RRAS2: variants seen among roughly 807,000 people sequenced by gnomAD.
RRAS2 encodes ras-related protein R-Ras2.
RRAS2 carries 7 observed loss-of-function variants against 27.6 expected under a neutral mutation model. The observed-to-expected ratio is 0.25, with a 90% CI of 0.14 to 0.48. The LOEUF is 0.48. Ranked by LOEUF, RRAS2 falls within the 20% of genes least tolerant of loss-of-function variation. The probability of loss-of-function intolerance (pLI) is 0.99; values close to 1 mark genes in which losing one functional copy is unlikely to be tolerated. For missense variants in RRAS2, 178 were observed against 256.2 expected, an observed-to-expected ratio of 0.69 and a Z score of 2.08; for synonymous variants, 86 against 90.9, an observed-to-expected ratio of 0.95 and a Z score of 0.31.
At chr11:14,288,921 A>T (rs1222804169) in intron 4 of RRAS2, among the ~76,000 whole-genome samples, 1 of 152,262 alleles carries the variant, frequency 6.6e-6, no homozygotes, top group Non-Finnish European at 1.5e-5. Context: ...GTCTTAACTC[A>T]CTGGCACCCA....
At chr11:14,283,357 T>C (rs1477985917) in intron 4 of RRAS2, among the ~76,000 whole-genome samples, 1 of 152,212 alleles carries the variant, frequency 6.6e-6, no homozygotes, top group East Asian at 1.9e-4. Context: ...TCATGAGAGA[T>C]ATTGGACTGT....
intron 4 of RRAS2, among the ~76,000 whole-genome samples, chr11:14,286,747 A>G (rs1243423519): frequency 1.3e-5 from 2 of 152,242 alleles, no homozygotes; most frequent in Non-Finnish European, 2.9e-5. Context: ...TAGCACTGGT[A>G]TATCTAAGTT....
chr11:14,294,725 A>G lies in RRAS2; in HGVS notation c.299+35T>C, dbSNP rs782427311. ...TCAATAAAGTCTAGTGATCTTGACAAGAACAGTGGATCTACATTCTAATAT... is the reference window on the plus strand; with the variant it reads ...TCAATAAAGTCTAGTGATCTTGACAGGAACAGTGGATCTACATTCTAATAT... On this transcript the variant is annotated intron_variant, in intron 3 of 5. Coordinates refer to ENST00000256196, the MANE Select transcript of RRAS2 (RefSeq NM_012250.6). 16 of 1,586,290 alleles carry G rather than the reference A, an allele frequency of 1.0e-5. No homozygotes were observed. In the South Asian group the frequency reaches 1.1e-4, roughly 11 times the overall value.
At chr11:14,292,980 G>A (rs980007290) in intron 4 of RRAS2, among the ~76,000 whole-genome samples, 9 of 151,170 alleles carry the variant, frequency 6.0e-5, no homozygotes, top group South Asian at 2.1e-4. Flanking sequence ...GCTGGCAGGC[G>A]CCTGTAGTCC....
intron 4 of RRAS2, 39 bp from the exon 5 acceptor site, chr11:14,281,759 C>G: frequency 6.6e-7 from 1 of 1,510,178 alleles, no homozygotes; most frequent in Admixed American, 2.0e-5. Context: ...ACATTATTAA[C>G]AACTGGATTT....
chr11:14,281,505 A>G, intron 5 of RRAS2, 97 bp downstream of exon 5: 1 of 904,460 alleles, frequency 1.1e-6, no homozygotes, highest in Non-Finnish European at 1.6e-6. Flanking sequence ...CATGTGCATT[A>G]ATCCCTAGAA....
intron 1 of RRAS2, among the ~76,000 whole-genome samples, chr11:14,308,862 A>AC (rs746276255): frequency 1.2e-3 from 185 of 152,246 alleles, no homozygotes; most frequent in Non-Finnish European, 1.2e-3. Context: ...AGACCTACAT[A>AC]CCCCGCTTAA....
intron 1 of RRAS2, among the ~76,000 whole-genome samples, chr11:14,307,328 T>C (rs961945612): frequency 6.6e-6 from 1 of 151,784 alleles, no homozygotes; most frequent in Non-Finnish European, 1.5e-5. Flanking sequence ...CAATTTCAGA[T>C]ATACTAAAAT....
upstream of RRAS2, chr11:14,359,295 A>G (rs1379962001): frequency 5.2e-6 from 2 of 383,430 alleles, no homozygotes; most frequent in East Asian, 3.3e-4. Flanking sequence ...TCAGACCCCC[A>G]CGGACACACC....
At chr11:14,281,531 A>G (rs1756390671) in intron 5 of RRAS2, 71 bp downstream of exon 5, 5 of 1,252,294 alleles carry the variant, frequency 4.0e-6, no homozygotes, top group Non-Finnish European at 4.4e-6. Context: ...TCACTTCCAT[A>G]TAAAATATCC....
intron 1 of RRAS2, among the ~76,000 whole-genome samples, chr11:14,343,767 G>A (rs781797769): frequency 4.6e-5 from 7 of 151,710 alleles, no homozygotes; most frequent in African/African-American, 1.7e-4. Context: ...CCGGCAGAAG[G>A]AGGTAGCAGT....
intron 1 of RRAS2, among the ~76,000 whole-genome samples, chr11:14,342,524 C>A (rs782082906): frequency 1.4e-4 from 22 of 152,108 alleles, no homozygotes; most frequent in Non-Finnish European, 2.9e-4. Context: ...AAACTTGAAA[C>A]CCTTAGTAAT....
chr11:14,339,302 GGGGA>G (rs1848651634), intron 1 of RRAS2, among the ~76,000 whole-genome samples: 2 of 126,526 alleles, frequency 1.6e-5, no homozygotes, highest in Admixed American at 8.1e-5. Context: ...AAGGGGGGGG[GGGGA>G]AGAAAAAATC....
intron 4 of RRAS2, among the ~76,000 whole-genome samples, chr11:14,282,557 A>G (rs1040443451): frequency 1.5e-4 from 23 of 152,338 alleles, no homozygotes; most frequent in Admixed American, 1.2e-3. Flanking sequence ...ATTTACATTT[A>G]TATAGTGGGG....
intron 1 of RRAS2, among the ~76,000 whole-genome samples, chr11:14,327,819 A>AC (rs1467821819): frequency 1.3e-5 from 2 of 151,786 alleles, no homozygotes; most frequent in Non-Finnish European, 2.9e-5. Context: ...ATAGAGAAAA[A>AC]AAATTCAAGG....
intron 1 of RRAS2, among the ~76,000 whole-genome samples, chr11:14,341,352 G>C (rs1848702091): frequency 6.6e-6 from 1 of 152,100 alleles, no homozygotes; most frequent in Non-Finnish European, 1.5e-5. Context: ...GCTGAGAAAA[G>C]TTAAAGGCAT....
chr11:14,294,859 A>C lies in RRAS2; in HGVS notation c.200T>G (p.Leu67Trp). ...AAACTCTTCTTGTCCTGCTGTATCC[A>C]AAACTAAAGAAAAAACAACAAATGT... ...IDDRAARLDI[L>W]DTAGQEEFGA... Residue 67 changes from leucine to tryptophan, a missense_variant, in exon 3 of 6, where the codon TTG (leucine) becomes TGG (tryptophan). Coordinates refer to ENST00000256196, the MANE Select transcript of RRAS2 (RefSeq NM_012250.6). 2 of 1,612,580 alleles carry C rather than the reference A, an allele frequency of 1.2e-6. No homozygotes were observed. Among genetic ancestry groups the C allele is most frequent in the Non-Finnish European group, 1.7e-6 (2 of 1,178,904 alleles).
intron 1 of RRAS2, among the ~76,000 whole-genome samples, chr11:14,307,532 C>T (rs1188895985): frequency 8.3e-5 from 11 of 131,748 alleles, no homozygotes; most frequent in Non-Finnish European, 1.7e-4. Flanking sequence ...GGGATAACAG[C>T]GCCCACCATT....
At chr11:14,351,373 G>A (rs1488710425) in intron 1 of RRAS2, among the ~76,000 whole-genome samples, 1 of 152,112 alleles carries the variant, frequency 6.6e-6, no homozygotes, top group Non-Finnish European at 1.5e-5. Context: ...TACACATCAG[G>A]TAATAGTATA....
Sources: gnomAD v4.1 joint callset for allele counts (sites outside exome capture counted in the v4.1 genomes callset) on GRCh38, gnomAD v4.1.1 for gene constraint, MANE v1.5 for transcripts, NCBI Gene and HGNC (gene_info 2026-07-23, HGNC 2026-07-21) for gene names.